RYR1: variants seen among roughly 807,000 people sequenced by gnomAD.
RYR1 encodes central core disease of muscle.
Under a neutral mutation model 583.5 loss-of-function variants are expected in RYR1, and 342 were observed. The ratio of observed to expected loss-of-function variants is 0.59; its 90% CI spans 0.54 to 0.64. The LOEUF (loss-of-function observed/expected upper bound fraction) is 0.64, where lower values mean the gene tolerates loss of function less well. Among genes scored for constraint, RYR1 ranks in the 30% least tolerant of loss-of-function variants. RYR1 has a pLI of 0.00. For synonymous variants in RYR1, 2,791 were observed against 2,822.5 expected (o/e 0.99, Z 0.35); for missense variants, 6,032 against 6,917.2 (o/e 0.87, Z 4.54).
chr19:38,525,608 C>A, intron 71 of RYR1, 106 bp downstream of exon 71: 3 of 1,230,416 alleles, frequency 2.4e-6, no homozygotes, highest in Non-Finnish European at 3.5e-6. Flanking sequence ...CCCCCCAGGT[C>A]CCTGGGAGCC....
At position 38,516,128 on chromosome 19, in the gene RYR1, C is replaced by G. The variant is rs1970956555; in HGVS notation, c.9596C>G (p.Ala3199Gly). Residue 3199 changes from alanine to glycine, a missense_variant, in exon 65 of 106, where the codon GCA (alanine) becomes GGA (glycine). Physicochemically the swap from Ala to Gly is moderately conservative, Grantham distance 60. Transcript: ENST00000359596. Reference sequence around the variant, plus strand: ...GGGGAGTGCCTGGCCCGTCTGGCAGCAGCCATGCCGGTGGCGTTCCTGGAG... The same window carrying G: ...GGGGAGTGCCTGGCCCGTCTGGCAGGAGCCATGCCGGTGGCGTTCCTGGAG... The part of the protein sequence containing the change: ...ALGECLARLA[A>G]AMPVAFLEPQ... 6.4e-7 allele frequency: 1 copy of G among 1,550,712 alleles called. No homozygotes were observed. Among genetic ancestry groups the G allele is most frequent in the African/African-American group, 1.4e-5 (1 of 73,220 alleles).
chr19:38,518,821 C>T (rs1229057610), intron 66 of RYR1, among the ~76,000 whole-genome samples: 2 of 151,700 alleles, frequency 1.3e-5, no homozygotes, highest in Non-Finnish European at 2.9e-5. Context: ...CCCAGCTACT[C>T]GGGGCTGAGG....
At position 38,498,383 on chromosome 19, in the gene RYR1, G is replaced by A. The variant is rs73930600; in HGVS notation, c.6892-725G>A. Among the ~76,000 whole-genome samples, 1,318 of 152,214 alleles carry A rather than the reference G, an allele frequency of 8.7e-3. 18 individuals carry two copies. Among genetic ancestry groups the A allele is most frequent in the African/African-American group, 0.03 (1,258 of 41,518 alleles). On this transcript the variant is annotated intron_variant, in intron 42 of 105. Coordinates refer to ENST00000359596, the MANE Select transcript of RYR1 (RefSeq NM_000540.3). ...GGACAGAAGGACAGGGAGGAGGCTC[G>A]TGTTGTGGTCCAGGTGGGAGACAAG... is the stretch of plus-strand genomic sequence containing the variant.
In RYR1 at chr19:38,572,046, G is replaced by A. The variant is rs572103362; in HGVS notation, c.13774G>A (p.Asp4592Asn). The change falls in exon 95 of 106, where the codon GAC (aspartate) becomes AAC (asparagine). Residue 4592 changes from aspartate to asparagine, a missense_variant. By Grantham distance (23) the Asp-to-Asn change is conservative. This residue lies in a region of RYR1 where 35 missense variants were observed against 66.0 expected (regional missense o/e 0.53). Coordinates refer to ENST00000359596, the MANE Select transcript of RYR1 (RefSeq NM_000540.3). ...KVSDSPPGED[D>N]MEGSAAGDVS... ...CTCAGACTCTCCACCAGGGGAGGAC[G>A]ACATGGAAGGCTCAGCTGCTGGGGA... 6.8e-6 allele frequency: 11 copies of A among 1,614,084 alleles called. No individual in the cohort carries two copies. The highest frequency in any genetic ancestry group is 5.3e-5 in the African/African-American group (4 of 75,042).
intron 11 of RYR1, among the ~76,000 whole-genome samples, chr19:38,449,574 T>G (rs1327143133): frequency 6.6e-6 from 1 of 152,222 alleles, no homozygotes; most frequent in African/African-American, 2.4e-5. Flanking sequence ...ACCCGCGTTG[T>G]TCTGGTTGTG....
chr19:38,526,636 G>A (rs1971477748), intron 71 of RYR1, among the ~76,000 whole-genome samples: 1 of 143,360 alleles, frequency 7.0e-6, no homozygotes, highest in African/African-American at 2.6e-5. Flanking sequence ...CATGACCTCT[G>A]CTGACCCCTT....
chr19:38,467,703 T>C lies in RYR1; in HGVS notation c.3272T>C (p.Phe1091Ser), dbSNP rs1968182952. 1.2e-6 allele frequency: 2 copies of C among 1,614,084 alleles called. No individual in the cohort carries two copies. The highest frequency in any genetic ancestry group is 1.7e-6 in the Non-Finnish European group (2 of 1,180,046). Residue 1091 changes from phenylalanine to serine, a missense_variant, in exon 25 of 106, where the codon TTT becomes TCT. This residue lies in a region of RYR1 where 2,627 missense variants were observed against 2,961.3 expected (regional missense o/e 0.89). Coordinates refer to ENST00000359596, the MANE Select transcript of RYR1 (RefSeq NM_000540.3). ...TVQSGRWYFE[F>S]EAVTTGEMRV... ...CAGAGCGGCCGCTGGTACTTCGAGTTTGAAGCAGTCACCACAGGCGAGATG... is the reference window on the plus strand; with the variant it reads ...CAGAGCGGCCGCTGGTACTTCGAGTCTGAAGCAGTCACCACAGGCGAGATG...
At position 38,463,868 on chromosome 19, in the gene RYR1, C is replaced by T; in HGVS notation, c.2786+18C>T. Reference sequence around the variant, plus strand: ...ACGCTCAAGTGAGGGCCCAGGGGAGCCGGGGGTTGGGGCTGGCTGCTGGTG... The same window carrying T: ...ACGCTCAAGTGAGGGCCCAGGGGAGTCGGGGGTTGGGGCTGGCTGCTGGTG... On this transcript the variant is annotated intron_variant, in intron 22 of 105. Transcript: ENST00000359596. 1 of 1,603,736 alleles carries T rather than the reference C, an allele frequency of 6.2e-7. No individual in the cohort carries two copies. The highest frequency in any genetic ancestry group is 8.5e-7 in the Non-Finnish European group (1 of 1,171,270).
chr19:38,505,886 G>A lies in RYR1; in HGVS notation c.8481G>A (p.Arg2827=), dbSNP rs767252719. The change falls in exon 54 of 106, where the codon AGG becomes AGA. Residue 2827 remains arginine, a synonymous_variant. Transcript: ENST00000359596. The part of the protein sequence containing the change: ...IAWEWTIEKA[R]EGEEEKTEKK... The stretch of plus-strand genomic sequence containing the variant: ...GGGAATGGACGATAGAGAAGGCCAG[G>A]GAGGGTGAGGAGGAGAAGACGGAAA... 6.2e-7 allele frequency: 1 copy of A among 1,614,142 alleles called. No homozygotes were observed. Among genetic ancestry groups the A allele is most frequent in the Admixed American group, 1.7e-5 (1 of 60,012 alleles).
At chr19:38,581,302 C>T (rs1974196744) in intron 101 of RYR1, among the ~76,000 whole-genome samples, 1 of 152,200 alleles carries the variant, frequency 6.6e-6, no homozygotes, top group Non-Finnish European at 1.5e-5. Flanking sequence ...TGGTCTCGAT[C>T]TCCTGACCTG....
chr19:38,531,473 C>T (rs1434591095), intron 76 of RYR1, among the ~76,000 whole-genome samples: 28 of 151,788 alleles, frequency 1.8e-4, no homozygotes, highest in Non-Finnish European at 1.5e-5. Flanking sequence ...AAACACTCAG[C>T]AGGTGTTGGC....
At chr19:38,478,209 A>G (rs919938702) in intron 30 of RYR1, among the ~76,000 whole-genome samples, 4 of 150,544 alleles carry the variant, frequency 2.7e-5, no homozygotes, top group African/African-American at 4.9e-5. Context: ...CCCTCCTTTC[A>G]GACCCCCACC....
In RYR1 at chr19:38,505,411, T is replaced by G; in HGVS notation, c.8400+13T>G. ...CTTTTCAGAGAAGGTGACCAGGCCT[T>G]GGGGCCCAGCATTGAGGGTCAAAAT... is the stretch of plus-strand genomic sequence containing the variant. On this transcript the variant is annotated intron_variant, in intron 53 of 105. Coordinates refer to ENST00000359596, the MANE Select transcript of RYR1 (RefSeq NM_000540.3). The G allele has an allele frequency of 6.3e-7, 1 of 1,584,610 alleles. No homozygotes were observed. The highest frequency in any genetic ancestry group is 8.6e-7 in the Non-Finnish European group (1 of 1,158,288).
chr19:38,441,787 T>C (rs1972700936), intron 2 of RYR1, among the ~76,000 whole-genome samples: 1 of 151,736 alleles, frequency 6.6e-6, no homozygotes, highest in Non-Finnish European at 1.5e-5. Context: ...GAGCAGAGTC[T>C]TGAGTTTAGG....
chr19:38,500,076 C>T lies in RYR1; in HGVS notation c.7323+60C>T. 7.0e-7 allele frequency: 1 copy of T among 1,431,574 alleles called. No homozygotes were observed. The highest frequency in any genetic ancestry group is 2.3e-5 in the East Asian group (1 of 43,830). 88.7% of individuals were successfully genotyped at this position (1,431,574 alleles called of 1,614,324 possible). A position where few individuals can be genotyped will look rare whatever the true frequency, so the allele number is the denominator to read the frequency against. Reference sequence around the variant, plus strand: ...GGGCAGGCACAGCCGCTTTGAACGCCTCATGCAGGCACTCGGTGACACGGA... The same window carrying T: ...GGGCAGGCACAGCCGCTTTGAACGCTTCATGCAGGCACTCGGTGACACGGA... On this transcript the variant is annotated intron_variant, in intron 45 of 105. Transcript: ENST00000359596. This position sits in a 1 kb window ranked among gnomAD's most constrained non-coding sequence, Gnocchi z 5.9.
intron 17 of RYR1, 104 bp from the exon 18 acceptor site, chr19:38,457,943 ATCTC>A: frequency 2.7e-6 from 3 of 1,118,026 alleles, no homozygotes; most frequent in Non-Finnish European, 4.0e-6. Flanking sequence ...TCTCTCTCCC[ATCTC>A]TCTCTCTCTG....
intron 56 of RYR1, 67 bp from the exon 57 acceptor site, chr19:38,506,762 G>T: frequency 6.2e-7 from 1 of 1,610,660 alleles, no homozygotes; most frequent in Non-Finnish European, 8.5e-7. Flanking sequence ...GGCACTGCAG[G>T]AACCACTTCA....
rs867571953 is a variant in RYR1, at chr19:38,538,259, G to T, written c.11689+299G>T. 2.0e-5 allele frequency among the ~76,000 whole-genome samples: 3 copies of T among 152,130 alleles called. No homozygotes were observed. In the East Asian group the frequency reaches 5.8e-4, roughly 29 times the overall value. ...CTAAAAATATAAAAAAAATAGCAGG[G>T]CGTGGTGGCACATGCTTGTAGTCCC... On this transcript the variant is annotated intron_variant, in intron 84 of 105. Transcript: ENST00000359596.
Position 38,546,649 on chromosome 19 carries a change from G to T in RYR1, c.12094+123G>T, listed in dbSNP as rs187968618. On this transcript the variant is annotated intron_variant, in intron 88 of 105. Transcript: ENST00000359596. ...ATCTGACATCGTGTCAGGATCCATG[G>T]GTTGATGAAGAAGCCATAATAGGCC... The T allele has an allele frequency of 1.5e-3, 1,183 of 805,840 alleles. 5 individuals carry two copies. Among genetic ancestry groups the T allele is most frequent in the Non-Finnish European group, 1.6e-3 (742 of 471,304 alleles). The allele number at this position is 805,840 out of a possible 1,614,324, so 49.9% of individuals were successfully genotyped here.
Sources: allele counts gnomAD v4.1 joint callset (sites outside exome capture counted in the v4.1 genomes callset), GRCh38; gene constraint gnomAD v4.1.1; regional missense constraint gnomAD v4.1.1; non-coding constraint Gnocchi (gnomAD v3.1); transcripts MANE v1.5; gene names NCBI Gene and HGNC (gene_info 2026-07-23, HGNC 2026-07-21).